The following CPS1 variants were observed in gnomAD, a reference collection of about 807,000 sequenced individuals.
The protein encoded by CPS1 is carbamoyl-phosphate synthase [ammonia], mitochondrial.
Under a neutral mutation model 174.6 loss-of-function variants are expected in CPS1, and 109 were observed. That is an observed-to-expected ratio of 0.62 (90% CI 0.53 to 0.73). The LOEUF is 0.73. Ranked by LOEUF, CPS1 falls within the 30% of genes least tolerant of loss-of-function variation. CPS1 has a pLI of 0.00. For missense variants in CPS1, 1,689 were observed against 1,821.9 expected (o/e 0.93, Z 1.33); for synonymous variants, 637 against 632.0 (o/e 1.01, Z -0.12).
At chr2:210,493,548 A>G (rs766038855) in intron 1 of CPS1, among the ~76,000 whole-genome samples, 6 of 152,190 alleles carry the variant, frequency 3.9e-5, no homozygotes, top group Non-Finnish European at 7.4e-5. Context: ...CATATATTCT[A>G]CAGGAAGTGG....
chr2:210,482,306 CT>C (rs767115699), intron 1 of CPS1, among the ~76,000 whole-genome samples: 3,479 of 144,356 alleles, frequency 0.024, 94 homozygotes, highest in African/African-American at 0.074. Context: ...CGTTGAATCC[CT>C]TTTTTTTTTT....
intron 13 of CPS1, among the ~76,000 whole-genome samples, chr2:210,597,622 G>A (rs1266228682): frequency 6.6e-6 from 1 of 151,744 alleles, no homozygotes; most frequent in African/African-American, 2.4e-5. Context: ...TGAATATTTT[G>A]TTGACTTTTT....
At chr2:210,639,597 C>T (rs1197622104) in intron 23 of CPS1, among the ~76,000 whole-genome samples, 1 of 113,714 alleles carries the variant, frequency 8.8e-6, no homozygotes, top group Admixed American at 1.3e-4. Context: ...CCGGCCTGGG[C>T]GACAGAGCGA....
At chr2:210,541,396 A>T (rs980210305) in intron 1 of CPS1, among the ~76,000 whole-genome samples, 2 of 152,210 alleles carry the variant, frequency 1.3e-5, no homozygotes, top group African/African-American at 4.8e-5. Flanking sequence ...CCTGAGGCAC[A>T]TCTCTGGCTG....
chr2:210,655,755 C>G (rs1415166496), intron 29 of CPS1, among the ~76,000 whole-genome samples: 1 of 152,290 alleles, frequency 6.6e-6, no homozygotes, highest in Non-Finnish European at 1.5e-5. Context: ...TCAAATGTCA[C>G]TGTTTTAAGA....
chr2:210,606,674 G>A (rs1014007323), intron 17 of CPS1, 57 bp from the exon 18 acceptor site: 331 of 1,513,080 alleles, frequency 2.2e-4, no homozygotes, highest in Non-Finnish European at 2.7e-4. Flanking sequence ...TGGTTAAGTC[G>A]CTGAAGTTGG....
At chr2:210,660,772 G>T in intron 32 of CPS1, 117 bp downstream of exon 32, 1 of 998,284 alleles carries the variant, frequency 1.0e-6, no homozygotes. Context: ...TTGGACTAGG[G>T]ATTTACATTT....
At chr2:210,665,114 G>T (rs1701048326) in intron 33 of CPS1, among the ~76,000 whole-genome samples, 1 of 152,096 alleles carries the variant, frequency 6.6e-6, no homozygotes, top group Admixed American at 6.5e-5. Flanking sequence ...CTTTTCAATA[G>T]AATTTGAGAC....
intron 1 of CPS1, among the ~76,000 whole-genome samples, chr2:210,513,614 C>T (rs771483301): frequency 6.6e-6 from 1 of 151,892 alleles, no homozygotes; most frequent in Non-Finnish European, 1.5e-5. Context: ...GCATAGTTTG[C>T]AAATATTTTC....
chr2:210,659,804 G>A (rs964926902), intron 31 of CPS1, among the ~76,000 whole-genome samples: 2 of 152,228 alleles, frequency 1.3e-5, no homozygotes, highest in African/African-American at 4.8e-5. Flanking sequence ...TTATAGAGCA[G>A]AGAGAACGTA....
At chr2:210,590,380 A>C (rs1322301824) in intron 8 of CPS1, 146 bp downstream of exon 8, 9 of 1,222,722 alleles carry the variant, frequency 7.4e-6, no homozygotes, top group African/African-American at 1.5e-5. Flanking sequence ...CAGTAGAGAT[A>C]TTCTGTAGGG....
At chr2:210,485,072 C>G (rs995324762) in intron 1 of CPS1, among the ~76,000 whole-genome samples, 2 of 148,552 alleles carry the variant, frequency 1.3e-5, no homozygotes, top group African/African-American at 5.0e-5. Flanking sequence ...ACTAAAAATA[C>G]AAAAAAAAAT....
At chr2:210,508,625 C>A (rs1326675075) in intron 1 of CPS1, among the ~76,000 whole-genome samples, 3 of 152,036 alleles carry the variant, frequency 2.0e-5, no homozygotes, top group African/African-American at 7.2e-5. Context: ...AATTGATAGA[C>A]CACTAGCAAG....
At chr2:210,579,884 C>A (rs1697857029) in intron 5 of CPS1, 114 bp downstream of exon 5, 1 of 867,138 alleles carries the variant, frequency 1.2e-6, no homozygotes, top group Non-Finnish European at 1.9e-6. Context: ...AGGAGTGAAT[C>A]TGGCCAGCTT....
intron 1 of CPS1, among the ~76,000 whole-genome samples, chr2:210,526,356 A>G (rs144021376): frequency 1.3e-5 from 2 of 150,200 alleles, no homozygotes; most frequent in East Asian, 2.0e-4. Flanking sequence ...CATTCTGTAC[A>G]TGTATCCCAG....
At chr2:210,601,019 C>G (rs964729322) in intron 15 of CPS1, among the ~76,000 whole-genome samples, 5 of 151,872 alleles carry the variant, frequency 3.3e-5, no homozygotes, top group African/African-American at 7.2e-5. Flanking sequence ...CTTGCAATAA[C>G]AAAGCAATTT....
In CPS1 at chr2:210,576,466, A is replaced by G. The variant is rs769334023; in HGVS notation, c.357A>G (p.Lys119=). The G allele has an allele frequency of 1.2e-6, 2 of 1,613,654 alleles. No homozygotes were observed. Among genetic ancestry groups the G allele is most frequent in the East Asian group, 2.2e-5 (1 of 44,842 alleles). The change falls in exon 3 of 38, where the codon AAA becomes AAG. Residue 119 remains lysine (K), a synonymous_variant. Transcript: ENST00000233072. ...CTCTGGATGAACTGGGACTTAGCAA[A>G]TATTTGGAGTCTAATGGAATCAAGG... ...TTALDELGLS[K]YLESNGIKVS...
At chr2:210,677,221 C>T in intron 37 of CPS1, 85 bp downstream of exon 37, 1 of 1,261,240 alleles carries the variant, frequency 7.9e-7, no homozygotes, top group Non-Finnish European at 1.2e-6. Context: ...ATGCACATCT[C>T]TCTTTTCCCC....
chr2:210,628,671 G>A (rs1699766307), intron 21 of CPS1, among the ~76,000 whole-genome samples: 1 of 152,034 alleles, frequency 6.6e-6, no homozygotes, highest in Non-Finnish European at 1.5e-5. Context: ...GTGGTGGCAG[G>A]CGCCTGCAGT....
Sources: allele counts gnomAD v4.1 joint callset (sites outside exome capture counted in the v4.1 genomes callset), GRCh38; gene constraint gnomAD v4.1.1; transcripts MANE v1.5; gene names NCBI Gene and HGNC (gene_info 2026-07-23, HGNC 2026-07-21).